The following SH3GLB1 variants were observed in gnomAD, a reference collection of about 807,000 sequenced individuals.
SH3GLB1 encodes endophilin-B1.
SH3GLB1 carries 17 observed loss-of-function variants against 42.0 expected under a neutral mutation model. That is an observed-to-expected ratio of 0.40 (90% CI 0.28 to 0.61). SH3GLB1 has a LOEUF of 0.61. Among genes scored for constraint, SH3GLB1 ranks in the 20% least tolerant of loss-of-function variants. The probability of loss-of-function intolerance (pLI) is 0.36; values close to 1 mark genes in which losing one functional copy is unlikely to be tolerated. For synonymous variants in SH3GLB1, 132 were observed against 146.6 expected (o/e 0.90, Z 0.72); for missense variants, 355 against 426.3 (o/e 0.83, Z 1.47).
intron 8 of SH3GLB1, among the ~76,000 whole-genome samples, chr1:86,742,660 A>G (rs970485521): frequency 2.0e-5 from 3 of 152,168 alleles, no homozygotes; most frequent in African/African-American, 4.8e-5. Flanking sequence ...ACTCCCTCCA[A>G]TAAGATCCTT....
At chr1:86,722,089 C>T (rs1195745716) in intron 3 of SH3GLB1, among the ~76,000 whole-genome samples, 2 of 144,622 alleles carry the variant, frequency 1.4e-5, no homozygotes, top group Admixed American at 7.1e-5. Flanking sequence ...TGGGCTCAAA[C>T]GATCCTCCTC....
Position 86,746,521 on chromosome 1 carries a change from G to A in SH3GLB1, c.*3286G>A, listed in dbSNP as rs905703329. On this transcript the variant is annotated 3_prime_UTR_variant, in exon 9 of 9. Transcript: ENST00000370558. Reference sequence around the variant, plus strand: ...TACCTCATGTGAGTCTCAAACGCTGGAGAGAGAGTTCCACAACCACCCCTG... The same window carrying A: ...TACCTCATGTGAGTCTCAAACGCTGAAGAGAGAGTTCCACAACCACCCCTG... 6.6e-6 allele frequency: 1 copy of A among 152,204 alleles called. No homozygotes were observed. The highest frequency in any genetic ancestry group is 6.5e-5 in the Admixed American group (1 of 15,284). 9.4% of individuals were successfully genotyped at this position (152,204 alleles called of 1,614,324 possible).
Position 86,719,567 on chromosome 1 carries a change from A to T in SH3GLB1, c.275A>T (p.Asn92Ile). The change falls in exon 3 of 9, where the codon AAC becomes ATC. Residue 92 changes from asparagine (N) to isoleucine (I), a missense_variant. Asn to Ile is a moderately radical substitution (Grantham distance 149). Coordinates refer to ENST00000370558, the MANE Select transcript of SH3GLB1 (RefSeq NM_016009.5). ...GATAGAAAAGCTCCAAGTCGTATAA[A>T]CAACCCAGAACTTTTGGGACAATAT... ...KLDRKAPSRI[N>I]NPELLGQYMI... 6.2e-7 allele frequency: 1 copy of T among 1,611,148 alleles called. No homozygotes were observed. Among genetic ancestry groups the T allele is most frequent in the Non-Finnish European group, 8.5e-7 (1 of 1,178,506 alleles).
chr1:86,742,956 G>A (rs940843717), intron 8 of SH3GLB1, among the ~76,000 whole-genome samples, 172 bp from the exon 9 acceptor site: 3 of 152,084 alleles, frequency 2.0e-5, no homozygotes, highest in Admixed American at 6.6e-5. Flanking sequence ...GTGAGACCCT[G>A]CCTCAAAAAA....
In SH3GLB1 at chr1:86,741,615, C is replaced by T. The variant is rs576413517; in HGVS notation, c.762-593C>T. Among the ~76,000 whole-genome samples, 12 of 152,266 alleles carry T rather than the reference C, an allele frequency of 7.9e-5. No homozygotes were observed. The East Asian group carries it at 2.1e-3, about 27-fold the overall frequency. On this transcript the variant is annotated intron_variant, in intron 7 of 8. Transcript: ENST00000370558. ...CATATTATTTGAATGTCTACCTTCT[C>T]ACTATGTGTATGTCCTTAAGGGAAT...
rs138899941 is a variant in SH3GLB1 at position 86,723,250 on chromosome 1, G to A, written c.477+577G>A. On this transcript the variant is annotated intron_variant, in intron 4 of 8. Transcript: ENST00000370558. ...TTAGCAGCCGGGCGTGATGGCTAAC[G>A]CCTGTAATCCTAGCACTTTGGGAGG... 1.9e-3 allele frequency among the ~76,000 whole-genome samples: 286 copies of A among 152,262 alleles called. 2 individuals carry two copies. The highest frequency in any genetic ancestry group is 6.5e-3 in the African/African-American group (270 of 41,550).
chr1:86,732,788 C>G (rs116722359), intron 5 of SH3GLB1, among the ~76,000 whole-genome samples: 1 of 152,082 alleles, frequency 6.6e-6, no homozygotes, highest in South Asian at 2.1e-4. Context: ...TCTCAATCTT[C>G]CCGGTCACCT....
At chr1:86,729,777 C>A (rs1244723894) in intron 5 of SH3GLB1, among the ~76,000 whole-genome samples, 1 of 152,024 alleles carries the variant, frequency 6.6e-6, no homozygotes, top group African/African-American at 2.4e-5. Context: ...AATTTGAAAT[C>A]ATTTAGTCCA....
chr1:86,732,036 G>A (rs1193148211), intron 5 of SH3GLB1, among the ~76,000 whole-genome samples: 1 of 152,132 alleles, frequency 6.6e-6, no homozygotes, highest in Non-Finnish European at 1.5e-5. Flanking sequence ...TGCACTCCAA[G>A]CTAGGCAACA....
chr1:86,737,429 A>G (rs1358766959), intron 7 of SH3GLB1, among the ~76,000 whole-genome samples: 1 of 152,248 alleles, frequency 6.6e-6, no homozygotes, highest in Admixed American at 6.5e-5. Context: ...AGCCATGTGT[A>G]TATACATATT....
chr1:86,724,886 A>ATAT (rs1409906302), intron 5 of SH3GLB1, among the ~76,000 whole-genome samples: 31 of 102,406 alleles, frequency 3.0e-4, no homozygotes, highest in African/African-American at 1.2e-3. Context: ...AAAAAAAAAA[A>ATAT]AAAAAAATAT....
intron 7 of SH3GLB1, among the ~76,000 whole-genome samples, chr1:86,738,291 A>T (rs1018730525): frequency 1.3e-5 from 2 of 151,694 alleles, no homozygotes; most frequent in African/African-American, 4.9e-5. Flanking sequence ...TTTGAGACAG[A>T]GTCTTGCTCT....
intron 1 of SH3GLB1, among the ~76,000 whole-genome samples, chr1:86,708,728 TAG>T (rs1222143691): frequency 6.6e-6 from 1 of 152,228 alleles, no homozygotes; most frequent in Non-Finnish European, 1.5e-5. Flanking sequence ...GTTATTTTAC[TAG>T]AGTTTTAAAT....
chr1:86,717,867 A>G (rs1324994509), intron 2 of SH3GLB1, among the ~76,000 whole-genome samples: 1 of 152,240 alleles, frequency 6.6e-6, no homozygotes, highest in East Asian at 1.9e-4. Context: ...ATTACATTGT[A>G]GCAGAGTTGC....
chr1:86,709,542 C>T (rs951633235), intron 1 of SH3GLB1, among the ~76,000 whole-genome samples: 7 of 152,046 alleles, frequency 4.6e-5, no homozygotes, highest in Non-Finnish European at 7.4e-5. Context: ...TACTAAATAG[C>T]CATTTTGTGA....
In SH3GLB1 at chr1:86,748,184, A is replaced by C. The variant is rs1656393453; in HGVS notation, c.*4949A>C. ...TCATTAATAAAGTGCTTTAAAGAAC[A>C]TTGTGTTGCTAAATCTCGTATGTGT... On this transcript the variant is annotated 3_prime_UTR_variant, in exon 9 of 9. Coordinates refer to ENST00000370558, the MANE Select transcript of SH3GLB1 (RefSeq NM_016009.5). 1 of 151,552 alleles carries C rather than the reference A, an allele frequency of 6.6e-6. No homozygotes were observed. The highest frequency in any genetic ancestry group is 6.6e-5 in the Admixed American group (1 of 15,146). 9.4% of individuals were successfully genotyped at this position (151,552 alleles called of 1,614,324 possible).
At position 86,734,689 on chromosome 1, in the gene SH3GLB1, CAT is replaced by C. The variant is rs866555282; in HGVS notation, c.659_660del (p.His220ArgfsTer9). The C allele has an allele frequency of 1.2e-6, 2 of 1,608,296 alleles. No individual in the cohort carries two copies. Among genetic ancestry groups the C allele is most frequent in the Non-Finnish European group, 1.7e-6 (2 of 1,175,230 alleles). On this transcript the variant is annotated frameshift_variant and splice_region_variant, in exon 6 of 9. Transcript: ENST00000370558. LOFTEE classifies it high-confidence loss of function. ...TCTGCTAGAGGGAATCAGCAGTACA[CAT>C]GTGAGTATTCATTCATTGGAAATTC... ...RLLLEGISST[H>X]AHHLRCLNDF...
At chr1:86,739,015 G>A (rs1482055994) in intron 7 of SH3GLB1, among the ~76,000 whole-genome samples, 1 of 152,206 alleles carries the variant, frequency 6.6e-6, no homozygotes, top group African/African-American at 2.4e-5. Context: ...GCCAGAGGAG[G>A]CAAAGATTTC....
At chr1:86,714,519 C>T (rs1654399485) in intron 1 of SH3GLB1, among the ~76,000 whole-genome samples, 1 of 152,156 alleles carries the variant, frequency 6.6e-6, no homozygotes, top group Non-Finnish European at 1.5e-5. Flanking sequence ...AAACAGGAGC[C>T]TCAGTGGAGA....
Sources: gnomAD v4.1 joint callset for allele counts (sites outside exome capture counted in the v4.1 genomes callset) on GRCh38, gnomAD v4.1.1 for gene constraint, MANE v1.5 for transcripts, NCBI Gene and HGNC (gene_info 2026-07-23, HGNC 2026-07-21) for gene names.